SYNPO2: variants seen among roughly 807,000 people sequenced by gnomAD.
The protein encoded by SYNPO2 is synaptopodin 2.
A neutral mutation model predicts 85.0 loss-of-function variants in SYNPO2; 56 were observed. That is an observed-to-expected ratio of 0.66 (90% CI 0.53 to 0.82). The LOEUF (loss-of-function observed/expected upper bound fraction) is 0.82, where lower values mean the gene tolerates loss of function less well. Among genes scored for constraint, SYNPO2 ranks in the 40% least tolerant of loss-of-function variants. The probability of loss-of-function intolerance (pLI) is 0.00; values close to 1 mark genes in which losing one functional copy is unlikely to be tolerated. For missense variants in SYNPO2, 1,575 were observed against 1,534.2 expected, an observed-to-expected ratio of 1.03 and a Z score of -0.44; for synonymous variants, 602 against 591.1, an observed-to-expected ratio of 1.02 and a Z score of -0.27.
chr4:118,932,128 T>G (rs961876894), intron 1 of SYNPO2, among the ~76,000 whole-genome samples: 1 of 152,180 alleles, frequency 6.6e-6, no homozygotes, highest in Admixed American at 6.5e-5. Context: ...TTTTTCTGAC[T>G]GAAATAGGAT....
chr4:118,873,617 A>G (rs906021124), intron 1 of SYNPO2, among the ~76,000 whole-genome samples: 6 of 152,064 alleles, frequency 3.9e-5, no homozygotes, highest in African/African-American at 9.7e-5. Flanking sequence ...TGTTGGATAT[A>G]TAGTTTGGTG....
chr4:118,952,628 A>G (rs1734739215), intron 1 of SYNPO2, among the ~76,000 whole-genome samples: 1 of 152,172 alleles, frequency 6.6e-6, no homozygotes, highest in Admixed American at 6.5e-5. Flanking sequence ...ATGTAATACC[A>G]AACTGCAAAC....
rs1242343305 is a variant in SYNPO2, at chr4:119,027,408, A to C, written c.1039A>C (p.Arg347=). ...EDPRSEKDHS[R]PHKHRARHAR... ...TCCACGCTCGGAAAAAGATCACAGC[A>C]GACCTCACAAGCACCGAGCGCGGCA... Residue 347 remains arginine, a synonymous_variant, in exon 3 of 5, where the codon AGA becomes CGA. Coordinates refer to ENST00000307142, the MANE Select transcript of SYNPO2 (RefSeq NM_133477.3). 2 of 1,608,902 alleles carry C rather than the reference A, an allele frequency of 1.2e-6. No homozygotes were observed. The highest frequency in any genetic ancestry group is 1.7e-5 in the Admixed American group (1 of 59,956).
At chr4:118,876,646 T>TCTTTCTTCCTTCCTTCCTTCCTTCCTTC (rs940398503) in intron 1 of SYNPO2, among the ~76,000 whole-genome samples, 1 of 148,416 alleles carries the variant, frequency 6.7e-6, no homozygotes, top group African/African-American at 2.5e-5. Flanking sequence ...TTCCTTCCTT[T>TCTTTCTTCCTTCCTTCCTTCCTTCCTTC]CTTCCTTCCT....
intron 1 of SYNPO2, among the ~76,000 whole-genome samples, chr4:118,967,579 G>A (rs1735361358): frequency 6.6e-6 from 1 of 152,234 alleles, no homozygotes; most frequent in Non-Finnish European, 1.5e-5. Context: ...AACTAAAAGT[G>A]CAGTGGGGAA....
At position 119,033,747 on chromosome 4, in the gene SYNPO2, A is replaced by G. The variant is rs1485758052; in HGVS notation, c.3252+1720A>G. 4.1e-6 allele frequency: 4 copies of G among 985,136 alleles called. No individual in the cohort carries two copies. The South Asian group carries it at 1.9e-4, about 46-fold the overall frequency. The allele number at this position is 985,136 out of a possible 1,614,324, so 61.0% of individuals were successfully genotyped here. On this transcript the variant is annotated intron_variant, in intron 4 of 4. Coordinates refer to ENST00000307142, the MANE Select transcript of SYNPO2 (RefSeq NM_133477.3). ...TGTCTCCTTTATCTGTTCAATGTCC[A>G]TATTTTAAAAAAATCTTCCTTGTAT... is the stretch of plus-strand genomic sequence containing the variant.
At chr4:118,862,692 G>A (rs1731630911) in intron 1 of SYNPO2, among the ~76,000 whole-genome samples, 2 of 152,128 alleles carry the variant, frequency 1.3e-5, no homozygotes. Context: ...TGGTCATGAT[G>A]AATGATCTTT....
chr4:118,905,056 A>G (rs1246324168), intron 1 of SYNPO2, among the ~76,000 whole-genome samples: 3 of 152,322 alleles, frequency 2.0e-5, no homozygotes, highest in African/African-American at 7.2e-5. Context: ...AGCTGTGGTC[A>G]GGGAGAGGAA....
intron 1 of SYNPO2, among the ~76,000 whole-genome samples, chr4:118,933,826 G>GTGGTT (rs1553939084): frequency 9.0e-3 from 198 of 22,038 alleles, no homozygotes; most frequent in African/African-American, 0.016. Flanking sequence ...TGCTGTTGTT[G>GTGGTT]TTGTTTTTTT....
chr4:118,866,470 A>G (rs777804261), intron 1 of SYNPO2, among the ~76,000 whole-genome samples: 95 of 152,292 alleles, frequency 6.2e-4, no homozygotes, highest in African/African-American at 2.2e-3. Flanking sequence ...TCATATTCTC[A>G]GTCTCTTGCC....
At chr4:118,949,916 T>C (rs1363651032) in intron 1 of SYNPO2, among the ~76,000 whole-genome samples, 2 of 152,168 alleles carry the variant, frequency 1.3e-5, no homozygotes, top group East Asian at 3.8e-4. Context: ...TTCAACTCTA[T>C]TTTCAAAATG....
At chr4:118,951,914 C>T (rs1734713819) in intron 1 of SYNPO2, among the ~76,000 whole-genome samples, 1 of 152,156 alleles carries the variant, frequency 6.6e-6, no homozygotes, top group South Asian at 2.1e-4. Flanking sequence ...CAGAATTAAA[C>T]TTCTCCTTCC....
In SYNPO2 at chr4:119,058,871, A is replaced by C. The variant is rs973286030; in HGVS notation, c.*937A>C. Reference sequence around the variant, plus strand: ...CAGAAAGAAATAAACACATGAGAATAAGATTATTACACATTTTGGAAGGAC... The same window carrying C: ...CAGAAAGAAATAAACACATGAGAATCAGATTATTACACATTTTGGAAGGAC... On this transcript the variant is annotated 3_prime_UTR_variant, in exon 5 of 5. Coordinates refer to ENST00000307142, the MANE Select transcript of SYNPO2 (RefSeq NM_133477.3). 2.2e-4 allele frequency: 34 copies of C among 152,210 alleles called. 1 individual carries two copies. 9.4% of individuals were successfully genotyped at this position (152,210 alleles called of 1,614,324 possible).
intron 1 of SYNPO2, among the ~76,000 whole-genome samples, chr4:118,933,600 A>G: frequency 6.6e-6 from 1 of 152,210 alleles, no homozygotes; most frequent in East Asian, 1.9e-4. Flanking sequence ...CCAGCTAAGG[A>G]TGACTTATTA....
chr4:119,050,193 A>G (rs765357662), intron 4 of SYNPO2, among the ~76,000 whole-genome samples: 62 of 152,060 alleles, frequency 4.1e-4, no homozygotes, highest in Non-Finnish European at 6.8e-4. Flanking sequence ...TTAGCCAACC[A>G]TAGTGGTAGG....
chr4:119,010,092 G>T (rs1017116559), intron 1 of SYNPO2, among the ~76,000 whole-genome samples: 16 of 152,152 alleles, frequency 1.1e-4, no homozygotes, highest in African/African-American at 3.6e-4. Context: ...TTCGTGGGAG[G>T]TGGCATTGTG....
intron 1 of SYNPO2, among the ~76,000 whole-genome samples, chr4:118,966,617 T>G (rs1442018533): frequency 6.6e-6 from 1 of 152,110 alleles, no homozygotes; most frequent in African/African-American, 2.4e-5. Context: ...TTATAAAAAT[T>G]TAAATTATAT....
chr4:118,916,361 T>C (rs1244739009), intron 1 of SYNPO2, among the ~76,000 whole-genome samples: 2 of 151,758 alleles, frequency 1.3e-5, no homozygotes, highest in East Asian at 3.9e-4. Context: ...TTTGTAGAAA[T>C]GGGGTTTCAC....
chr4:118,858,306 TG>T (rs1731544922), intron 1 of SYNPO2, among the ~76,000 whole-genome samples: 1 of 152,224 alleles, frequency 6.6e-6, no homozygotes. Flanking sequence ...TTATTTATTG[TG>T]AGGGAGTCTT....
Sources: allele counts gnomAD v4.1 joint callset (sites outside exome capture counted in the v4.1 genomes callset), GRCh38; gene constraint gnomAD v4.1.1; transcripts MANE v1.5; gene names NCBI Gene and HGNC (gene_info 2026-07-23, HGNC 2026-07-21).